KPNA5: variants seen among roughly 807,000 people sequenced by gnomAD.
The protein encoded by KPNA5 is importin subunit alpha-6.
A neutral mutation model predicts 71.3 loss-of-function variants in KPNA5; 46 were observed. The observed-to-expected ratio is 0.65, with a 90% CI of 0.51 to 0.83. The LOEUF is 0.83. Among genes scored for constraint, KPNA5 ranks in the 40% least tolerant of loss-of-function variants. The pLI, the probability that KPNA5 is intolerant of heterozygous loss-of-function variation, is 0.00. For missense variants in KPNA5, 547 were observed against 628.3 expected, an observed-to-expected ratio of 0.87 and a Z score of 1.38; for synonymous variants, 207 against 201.4, an observed-to-expected ratio of 1.03 and a Z score of -0.24.
intron 2 of KPNA5, among the ~76,000 whole-genome samples, chr6:116,691,795 C>T (rs902838806): frequency 3.3e-5 from 5 of 152,128 alleles, no homozygotes; most frequent in South Asian, 2.1e-4. Flanking sequence ...TCCACTTACA[C>T]GCTTACTGTT....
intron 8 of KPNA5, among the ~76,000 whole-genome samples, chr6:116,721,188 A>ATC (rs1779091586): frequency 6.6e-6 from 1 of 152,240 alleles, no homozygotes; most frequent in South Asian, 2.1e-4. Context: ...CTGCTTTCAG[A>ATC]AGAGGATCGT....
rs150925835 is a variant in KPNA5, at chr6:116,729,158, CGTGTGTGTGTGTGTGT to C, written c.1254-378_1254-363del. On this transcript the variant is annotated intron_variant, in intron 12 of 13. Transcript: ENST00000368564. ...TTTCTGTCTACCCCCATATGACCTC[CGTGTGTGTGTGTGTGT>C]GTGTGTGTGTGTGTGTGTGTGTGTG... Among the ~76,000 whole-genome samples the C allele has an allele frequency of 2.1e-3, 231 of 112,160 alleles. 2 individuals are homozygous for C. The highest frequency in any genetic ancestry group is 6.6e-3 in the African/African-American group (194 of 29,386). 73.6% of individuals were successfully genotyped at this position (112,160 alleles called of 152,430 possible).
At chr6:116,731,608 A>G (rs1779484896) in intron 13 of KPNA5, among the ~76,000 whole-genome samples, 1 of 152,104 alleles carries the variant, frequency 6.6e-6, no homozygotes, top group Non-Finnish European at 1.5e-5. Flanking sequence ...TCAATTGTAG[A>G]TTGTAATTCT....
At chr6:116,705,319 T>C (rs1778399301) in intron 7 of KPNA5, among the ~76,000 whole-genome samples, 159 bp downstream of exon 7, 1 of 152,226 alleles carries the variant, frequency 6.6e-6, no homozygotes, top group South Asian at 2.1e-4. Flanking sequence ...AATTTTCAAA[T>C]TGTTATCTCT....
chr6:116,718,079 C>T (rs532261278), intron 8 of KPNA5, among the ~76,000 whole-genome samples: 1 of 152,168 alleles, frequency 6.6e-6, no homozygotes, highest in Non-Finnish European at 1.5e-5. Flanking sequence ...AATTGCCAAA[C>T]CATCACCTGA....
At chr6:116,687,140 T>C (rs572099020) in intron 1 of KPNA5, among the ~76,000 whole-genome samples, 5 of 152,352 alleles carry the variant, frequency 3.3e-5, no homozygotes, top group Admixed American at 2.0e-4. Context: ...ATTTTCACGA[T>C]ATTGATTCTT....
At chr6:116,726,869 C>T (rs886248683) in intron 12 of KPNA5, among the ~76,000 whole-genome samples, 1 of 151,922 alleles carries the variant, frequency 6.6e-6, no homozygotes, top group South Asian at 2.1e-4. Flanking sequence ...CAAACGGGAA[C>T]GGTCTATGTT....
At chr6:116,707,322 A>G (rs568957645) in intron 7 of KPNA5, among the ~76,000 whole-genome samples, 1 of 152,210 alleles carries the variant, frequency 6.6e-6, no homozygotes, top group Admixed American at 6.5e-5. Context: ...GTAAATGTAA[A>G]TCTTTTACTA....
chr6:116,683,896 CTTTTTTTT>C (rs140446065), intron 1 of KPNA5, among the ~76,000 whole-genome samples: 7 of 59,604 alleles, frequency 1.2e-4, no homozygotes, highest in Admixed American at 2.5e-4. Context: ...CGTGCCCGGC[CTTTTTTTT>C]TTTTTTTTTT....
chr6:116,724,880 G>A (rs565457336), intron 10 of KPNA5, among the ~76,000 whole-genome samples: 3 of 152,218 alleles, frequency 2.0e-5, no homozygotes, highest in East Asian at 1.9e-4. Context: ...CTCTCAAAGC[G>A]TTAGACTTAC....
In KPNA5 at chr6:116,710,873, T is replaced by TA. The variant is rs1554256692; in HGVS notation, c.657-5346_657-5345insA. 3.1e-4 allele frequency among the ~76,000 whole-genome samples: 26 copies of TA among 84,878 alleles called. 1 individual carries two copies. The East Asian group carries it at 9.1e-3, about 30-fold the overall frequency. The allele number at this position is 84,878 out of a possible 152,430, so 55.7% of individuals were successfully genotyped here. ...CATTCTTAATTGTAGTAATATTATT[T>TA]TATATATATATATATATATATTTTT... On this transcript the variant is annotated intron_variant, in intron 7 of 13. Transcript: ENST00000368564.
intron 7 of KPNA5, among the ~76,000 whole-genome samples, chr6:116,707,536 A>G (rs1562441794): frequency 6.6e-6 from 1 of 152,198 alleles, no homozygotes; most frequent in South Asian, 2.1e-4. Context: ...ACACAGTCAC[A>G]CCTATTCATT....
intron 8 of KPNA5, among the ~76,000 whole-genome samples, chr6:116,721,443 G>A (rs1170252682): frequency 1.3e-5 from 2 of 151,878 alleles, no homozygotes; most frequent in South Asian, 2.1e-4. Flanking sequence ...ATGAGCCACC[G>A]TGCCCAGCTT....
At chr6:116,712,338 C>T (rs990653823) in intron 7 of KPNA5, among the ~76,000 whole-genome samples, 5 of 152,194 alleles carry the variant, frequency 3.3e-5, no homozygotes, top group Admixed American at 2.6e-4. Flanking sequence ...TAGTTTGTCT[C>T]ATTAGTGTAA....
At chr6:116,692,431 G>A (rs984056067) in intron 4 of KPNA5, 39 bp downstream of exon 4, 14 of 1,226,778 alleles carry the variant, frequency 1.1e-5, no homozygotes, top group African/African-American at 1.5e-5. Flanking sequence ...GATATTACAC[G>A]ATTTTTTAGT....
At chr6:116,717,149 A>C (rs1778916277) in intron 8 of KPNA5, among the ~76,000 whole-genome samples, 1 of 152,198 alleles carries the variant, frequency 6.6e-6, no homozygotes, top group Admixed American at 6.5e-5. Flanking sequence ...GTACATTTTG[A>C]TACTACTGCC....
At chr6:116,730,105 G>A (rs922571209) in intron 13 of KPNA5, among the ~76,000 whole-genome samples, 7 of 38,002 alleles carry the variant, frequency 1.8e-4, no homozygotes, top group Non-Finnish European at 3.1e-4. Flanking sequence ...TTTTTTTTTT[G>A]AGACACAGTT....
intron 1 of KPNA5, 141 bp downstream of exon 1, chr6:116,681,479 C>G: frequency 7.2e-7 from 1 of 1,386,474 alleles, no homozygotes; most frequent in Non-Finnish European, 9.4e-7. Context: ...GGGTGTTTCT[C>G]GTGTTTTCCC....
At chr6:116,705,621 G>T (rs949488873) in intron 7 of KPNA5, among the ~76,000 whole-genome samples, 2 of 151,450 alleles carry the variant, frequency 1.3e-5, no homozygotes, top group South Asian at 2.1e-4. Flanking sequence ...ACTACTTTAC[G>T]TATTTTTTTA....
Sources: gnomAD v4.1 joint callset for allele counts (sites outside exome capture counted in the v4.1 genomes callset) on GRCh38, gnomAD v4.1.1 for gene constraint, MANE v1.5 for transcripts, NCBI Gene and HGNC (gene_info 2026-07-23, HGNC 2026-07-21) for gene names.